EDA: variants seen among roughly 807,000 people sequenced by gnomAD.
EDA encodes the protein ectodysplasin-A.
A neutral mutation model predicts 23.6 loss-of-function variants in EDA; 2 were observed. The ratio of observed to expected loss-of-function variants is 0.08; its 90% CI spans 0.03 to 0.27. The LOEUF is 0.27. Ranked by LOEUF, EDA falls within the 10% of genes least tolerant of loss-of-function variation. The pLI, the probability that EDA is intolerant of heterozygous loss-of-function variation, is 1.00. For missense variants in EDA, 229 were observed against 324.2 expected, an observed-to-expected ratio of 0.71 and a Z score of 2.26; for synonymous variants, 131 against 132.0, an observed-to-expected ratio of 0.99 and a Z score of 0.05.
intron 1 of EDA, among the ~76,000 whole-genome samples, chrX:69,928,446 T>G (rs900670206): frequency 1.8e-5 from 2 of 111,844 alleles, no homozygotes; most frequent in African/African-American, 6.5e-5. Flanking sequence ...TTTATGGAAA[T>G]GCCCATGTTA....
intron 1 of EDA, among the ~76,000 whole-genome samples, chrX:69,638,183 A>C (rs1240470250): frequency 8.9e-6 from 1 of 112,108 alleles, no homozygotes; most frequent in African/African-American, 3.2e-5. Flanking sequence ...TTCTTAAGAA[A>C]TACTGTTGTT....
chrX:69,693,874 T>G (rs140463790), intron 1 of EDA, among the ~76,000 whole-genome samples: 1,253 of 111,905 alleles, frequency 0.011, 16 homozygotes, highest in African/African-American at 0.039. Context: ...AATCGGAGAA[T>G]ATAGACTATT....
chrX:69,683,529 T>C (rs1049223272), intron 1 of EDA, among the ~76,000 whole-genome samples: 1 of 111,750 alleles, frequency 8.9e-6, no homozygotes, highest in African/African-American at 3.3e-5. Flanking sequence ...TAATCTCTCA[T>C]TTCTTTGAAT....
At chrX:69,708,310 G>A (rs1289015848) in intron 1 of EDA, among the ~76,000 whole-genome samples, 1 of 111,854 alleles carries the variant, frequency 8.9e-6, no homozygotes, top group Non-Finnish European at 1.9e-5. Flanking sequence ...TGAGCATGGT[G>A]TAATCAGTTA....
chrX:70,030,618 T>C (rs1378490887), intron 6 of EDA, 98 bp downstream of exon 6: 4 of 796,455 alleles, frequency 5.0e-6, no homozygotes, highest in African/African-American at 4.1e-5. Context: ...CCCAGGCCGC[T>C]GAGGTACCGT....
At chrX:69,978,121 G>A (rs1182927633) in intron 2 of EDA, among the ~76,000 whole-genome samples, 1 of 108,684 alleles carries the variant, frequency 9.2e-6, no homozygotes, top group Admixed American at 1.0e-4. Flanking sequence ...AGACACAGAT[G>A]TGATTTATTT....
chrX:69,723,487 T>A (rs1441146654), intron 1 of EDA, among the ~76,000 whole-genome samples: 3 of 112,040 alleles, frequency 2.7e-5, no homozygotes, highest in Non-Finnish European at 3.8e-5. Flanking sequence ...TCATATCTAA[T>A]TTTATATTTT....
intron 1 of EDA, among the ~76,000 whole-genome samples, chrX:69,875,967 A>G (rs1329560216): frequency 8.9e-6 from 1 of 112,041 alleles, no homozygotes; most frequent in African/African-American, 3.2e-5. Context: ...AATGGCCATA[A>G]TCAAAAAATC....
At chrX:69,629,701 G>T (rs1003606798) in intron 1 of EDA, among the ~76,000 whole-genome samples, 3 of 111,249 alleles carry the variant, frequency 2.7e-5, no homozygotes, top group African/African-American at 9.8e-5. Context: ...TTAGACTCTA[G>T]AGCTTCCTTC....
intron 1 of EDA, among the ~76,000 whole-genome samples, chrX:69,643,848 C>T (rs1412159759): frequency 2.7e-5 from 3 of 111,664 alleles, no homozygotes; most frequent in Admixed American, 9.6e-5. Flanking sequence ...CTCCCAGCAC[C>T]ATTTATTAAA....
intron 1 of EDA, among the ~76,000 whole-genome samples, chrX:69,723,536 A>G (rs1407685549): frequency 3.6e-5 from 4 of 112,128 alleles, no homozygotes; most frequent in Non-Finnish European, 7.5e-5. Flanking sequence ...ATCACTAACA[A>G]TTGTACCTAA....
At chrX:69,661,868 A>G (rs1933520101) in intron 1 of EDA, among the ~76,000 whole-genome samples, 1 of 112,158 alleles carries the variant, frequency 8.9e-6, no homozygotes, top group South Asian at 3.7e-4. Flanking sequence ...TAAGGTATAC[A>G]ACATAATGTT....
chrX:69,957,337 C>A, intron 2 of EDA: 1 of 389,983 alleles, frequency 2.6e-6, no homozygotes, highest in Admixed American at 4.3e-5. Flanking sequence ...ACTAAAAATA[C>A]AAAAAAAATT....
intron 1 of EDA, among the ~76,000 whole-genome samples, chrX:69,648,405 C>T (rs746042890): frequency 2.7e-5 from 3 of 111,970 alleles, no homozygotes; most frequent in Non-Finnish European, 3.8e-5. Flanking sequence ...GCTGAAGCCG[C>T]CACTGGGAGA....
chrX:69,681,367 C>T (rs912331729), intron 1 of EDA, among the ~76,000 whole-genome samples: 1 of 110,222 alleles, frequency 9.1e-6, no homozygotes, highest in African/African-American at 3.3e-5. Flanking sequence ...GAACGTTGGC[C>T]TGCTTTGCTA....
intron 1 of EDA, among the ~76,000 whole-genome samples, chrX:69,780,211 G>A (rs1431174199): frequency 7.2e-5 from 8 of 111,026 alleles, no homozygotes; most frequent in African/African-American, 1.3e-4. Context: ...ATGAAATGTT[G>A]TATATGTATA....
intron 1 of EDA, among the ~76,000 whole-genome samples, chrX:69,688,791 G>A: frequency 8.9e-6 from 1 of 112,122 alleles, no homozygotes; most frequent in Non-Finnish European, 1.9e-5. Flanking sequence ...GACAAAGGAT[G>A]AAACTGCAGA....
chrX:69,910,368 AGAGAGAGTGTGTGTGT>A (rs1352408629), intron 1 of EDA, among the ~76,000 whole-genome samples: 2 of 43,755 alleles, frequency 4.6e-5, no homozygotes, highest in African/African-American at 1.4e-4. Context: ...AGAGAGAGAG[AGAGAGAGTGTGTGTGT>A]GTGTGTGTGT....
intron 1 of EDA, among the ~76,000 whole-genome samples, chrX:69,836,823 C>G (rs1377475744): frequency 8.9e-6 from 1 of 111,741 alleles, no homozygotes; most frequent in Non-Finnish European, 1.9e-5. Context: ...TTCGCTCACT[C>G]TGGGAGCTGC....
Sources: allele counts gnomAD v4.1 joint callset (sites outside exome capture counted in the v4.1 genomes callset), GRCh38; gene constraint gnomAD v4.1.1; transcripts MANE v1.5; gene names NCBI Gene and HGNC (gene_info 2026-07-23, HGNC 2026-07-21).